Variants in ATAD3C observed in about 807,000 individuals in gnomAD.
ATAD3C encodes the protein ATPase family AAA domain-containing protein 3C.
A neutral mutation model predicts 46.3 loss-of-function variants in ATAD3C; 38 were observed. The ratio of observed to expected loss-of-function variants is 0.82; its 90% CI spans 0.63 to 1.08. The LOEUF is 1.08. ATAD3C is among the 50% of genes least tolerant of loss of function. The pLI is 0.00. For missense variants in ATAD3C, 563 were observed against 572.7 expected (o/e 0.98, Z 0.17); for synonymous variants, 220 against 236.4 (o/e 0.93, Z 0.63).
chr1:1,454,216 G>T, intron 3 of ATAD3C, 129 bp from the exon 4 acceptor site: 1 of 1,426,122 alleles, frequency 7.0e-7, no homozygotes, highest in Non-Finnish European at 9.2e-7. Context: ...TCGGGTTCCT[G>T]TGGGGCCAGC....
chr1:1,466,535 C>CAA lies in ATAD3C; in HGVS notation c.1090-1828_1090-1827dup, dbSNP rs35433084. ...TGGGTGACAGAAGGAGATGTCATCT[C>CAA]AAAAAAAAAAAAAAAAAAAAAATTG... is the stretch of plus-strand genomic sequence containing the variant. On this transcript the variant is annotated intron_variant, in intron 11 of 11. Transcript: ENST00000378785. Among the ~76,000 whole-genome samples, 313 of 70,064 alleles carry CAA rather than the reference C, an allele frequency of 4.5e-3. 6 individuals are homozygous for CAA. The highest frequency in any genetic ancestry group is 0.018 in the East Asian group (61 of 3,452). 46.0% of individuals were successfully genotyped at this position (70,064 alleles called of 152,430 possible).
chr1:1,459,322 C>T lies in ATAD3C; in HGVS notation c.812+91C>T, dbSNP rs1039118383. 32 of 1,594,850 alleles carry T rather than the reference C, an allele frequency of 2.0e-5. No individual in the cohort carries two copies. In the African/African-American group the frequency reaches 3.8e-4, roughly 19 times the overall value. On this transcript the variant is annotated intron_variant, in intron 9 of 11. Transcript: ENST00000378785. The surrounding 1 kb of genome is among the most constrained non-coding windows in gnomAD (Gnocchi z 4.9). Reference sequence around the variant, plus strand: ...CCGAGGGACCTGAGGGGCCCTGGCTCACAGTGCTGGGCAGCTGCCGTGGCC... The same window carrying T: ...CCGAGGGACCTGAGGGGCCCTGGCTTACAGTGCTGGGCAGCTGCCGTGGCC...
intron 1 of ATAD3C, 130 bp from the exon 2 acceptor site, chr1:1,451,916 C>G: frequency 7.0e-7 from 1 of 1,424,974 alleles, no homozygotes; most frequent in African/African-American, 1.4e-5. Context: ...CAGGGTGCGG[C>G]GTCTGCAGGT....
At chr1:1,460,066 A>G (rs574012531) in intron 9 of ATAD3C, among the ~76,000 whole-genome samples, 61 of 140,858 alleles carry the variant, frequency 4.3e-4, no homozygotes, top group South Asian at 2.6e-3. Flanking sequence ...CTCGCGTGGC[A>G]GTATTTTTTT....
chr1:1,464,632 G>A (rs1227591681), intron 11 of ATAD3C, among the ~76,000 whole-genome samples: 4 of 151,820 alleles, frequency 2.6e-5, no homozygotes, highest in Middle Eastern at 3.4e-3. Flanking sequence ...TTAGCTGGGC[G>A]TGGTGGTGTG....
chr1:1,451,471 C>G (rs1570141075), intron 1 of ATAD3C, among the ~76,000 whole-genome samples: 1 of 152,082 alleles, frequency 6.6e-6, no homozygotes, highest in South Asian at 2.1e-4. Flanking sequence ...CTCAGCCTCC[C>G]AAGTCGCTGG....
Position 1,460,914 on chromosome 1 carries a change from A to G in ATAD3C, c.977A>G (p.Lys326Arg). 1 of 1,606,674 alleles carries G rather than the reference A, an allele frequency of 6.2e-7. No homozygotes were observed. The highest frequency in any genetic ancestry group is 8.5e-7 in the Non-Finnish European group (1 of 1,175,964). ...GTTCTTAAGCCGGCCACAGAAGGAAAGCGGTAAGTGTCCCGCCCCACCAGC... is the reference window on the plus strand; with the variant it reads ...GTTCTTAAGCCGGCCACAGAAGGAAGGCGGTAAGTGTCCCGCCCCACCAGC... ...EYVLKPATEG[K>R]RRLKLAQFDY... The change falls in exon 10 of 12, where the codon AAG becomes AGG. Residue 326 changes from lysine (K) to arginine (R), a missense_variant. Lys to Arg is a conservative substitution (Grantham distance 26). Transcript: ENST00000378785.
chr1:1,467,926 A>G (rs1159572638), intron 11 of ATAD3C, among the ~76,000 whole-genome samples: 1 of 152,132 alleles, frequency 6.6e-6, no homozygotes, highest in East Asian at 1.9e-4. Flanking sequence ...GTGGGGGCAG[A>G]GGTGGCCTTG....
In ATAD3C at chr1:1,469,097, CCTAAA is replaced by C. The variant is rs1639197432; in HGVS notation, c.*568_*572del. ...GCCAACATGGTGAAACTCCATCTCT[CCTAAA>C]AAAAAAAAAAAAAAAAAAAAAAAAA... On this transcript the variant is annotated 3_prime_UTR_variant, in exon 12 of 12. Coordinates refer to ENST00000378785, the MANE Select transcript of ATAD3C (RefSeq NM_001039211.3). The C allele has an allele frequency of 1.5e-5, 1 of 67,386 alleles. No individual in the cohort carries two copies. Among genetic ancestry groups the C allele is most frequent in the African/African-American group, 9.6e-5 (1 of 10,402 alleles). The allele number at this position is 67,386 out of a possible 1,614,324, so 4.2% of individuals were successfully genotyped here.
intron 1 of ATAD3C, 150 bp from the exon 2 acceptor site, chr1:1,451,896 G>T (rs769047453): frequency 1.5e-6 from 2 of 1,331,096 alleles, no homozygotes; most frequent in East Asian, 2.6e-5. Context: ...GATGTCACCC[G>T]TGTCTGTGTC....
At chr1:1,468,179 C>T (rs1035814237) in intron 11 of ATAD3C, among the ~76,000 whole-genome samples, 7 of 152,134 alleles carry the variant, frequency 4.6e-5, no homozygotes, top group African/African-American at 7.2e-5. Context: ...GTGCTGAGGA[C>T]GCAGGCAGGG....
Position 1,468,388 on chromosome 1 carries a change from C to T in ATAD3C, c.1094C>T (p.Thr365Met), listed in dbSNP as rs190504905. ...IAQLAVSWQA[T>M]AYASKDGVLT... The stretch of plus-strand genomic sequence containing the variant: ...AGCTCCCTCTCTCCCCACTAGGCCA[C>T]GGCGTATGCCTCCAAGGACGGGGTC... The change falls in exon 12 of 12, where the codon ACG (threonine) becomes ATG (methionine). Residue 365 changes from threonine to methionine, a missense_variant. Coordinates refer to ENST00000378785, the MANE Select transcript of ATAD3C (RefSeq NM_001039211.3). The T allele has an allele frequency of 4.6e-5, 74 of 1,609,176 alleles. 3 individuals carry two copies. The highest frequency in any genetic ancestry group is 6.7e-5 in the East Asian group (3 of 44,722).
chr1:1,456,064 C>G, intron 6 of ATAD3C, 148 bp downstream of exon 6: 1 of 1,455,618 alleles, frequency 6.9e-7, no homozygotes, highest in Non-Finnish European at 9.1e-7. Context: ...GTGTGGGCAG[C>G]AGCGCCTCCC....
In ATAD3C at chr1:1,459,380, C is replaced by T. The variant is rs1639020467; in HGVS notation, c.812+149C>T. 5.3e-6 allele frequency: 8 copies of T among 1,506,914 alleles called. No homozygotes were observed. Among genetic ancestry groups the T allele is most frequent in the South Asian group, 3.9e-5 (3 of 76,966 alleles). 93.3% of individuals were successfully genotyped at this position (1,506,914 alleles called of 1,614,324 possible). A position where few individuals can be genotyped will look rare whatever the true frequency, so the allele number is the denominator to read the frequency against. ...GCCCACCTTGGATGTCCCCTGGGAACGGCCCAGCTCAGGACAGCACGGGGT... is the reference window on the plus strand; with the variant it reads ...GCCCACCTTGGATGTCCCCTGGGAATGGCCCAGCTCAGGACAGCACGGGGT... On this transcript the variant is annotated intron_variant, in intron 9 of 11. Coordinates refer to ENST00000378785, the MANE Select transcript of ATAD3C (RefSeq NM_001039211.3). The surrounding 1 kb of genome is among the most constrained non-coding windows in gnomAD (Gnocchi z 4.9).
In ATAD3C at chr1:1,462,641, T is replaced by C. The variant is rs1262150277; in HGVS notation, c.1022T>C (p.Leu341Ser). 3 of 1,606,310 alleles carry C rather than the reference T, an allele frequency of 1.9e-6. No homozygotes were observed. Among genetic ancestry groups the C allele is most frequent in the Non-Finnish European group, 8.5e-7 (1 of 1,176,872 alleles). ...CAGTTTGACTACGGGAGGAAGTGCT[T>C]AGAGATCGCTCGGCTGACAGAGGGC... ...LAQFDYGRKC[L>S]EIARLTEGMS... The change falls in exon 11 of 12, where the codon TTA becomes TCA. Residue 341 changes from leucine (L) to serine (S), a missense_variant. Transcript: ENST00000378785. This position sits in a 1 kb window ranked among gnomAD's most constrained non-coding sequence, Gnocchi z 4.5.
intron 7 of ATAD3C, 68 bp from the exon 8 acceptor site, chr1:1,457,061 G>A (rs1369088452): frequency 6.2e-7 from 1 of 1,605,094 alleles, no homozygotes; most frequent in African/African-American, 1.3e-5. Context: ...CTCCTGCCAT[G>A]GCCGGACGCC....
rs1238244406 is a variant in ATAD3C, at chr1:1,459,284, C to T, written c.812+53C>T. 3.4e-6 allele frequency: 5 copies of T among 1,468,696 alleles called. No homozygotes were observed. The highest frequency in any genetic ancestry group is 1.5e-4 in the East Asian group (2 of 13,132). 91.0% of individuals were successfully genotyped at this position (1,468,696 alleles called of 1,614,324 possible). A position where few individuals can be genotyped will look rare whatever the true frequency, so the allele number is the denominator to read the frequency against. The stretch of plus-strand genomic sequence containing the variant: ...CCCGGGCAGGGCTGTGCAGCCGTCA[C>T]CCTTGGTTCCCACCGAGGGACCTGA... On this transcript the variant is annotated intron_variant, in intron 9 of 11. Transcript: ENST00000378785. The surrounding 1 kb of genome is among the most constrained non-coding windows in gnomAD (Gnocchi z 4.9).
rs76548509 is a variant in ATAD3C, at chr1:1,459,283, AC to A, written c.812+55del. The stretch of plus-strand genomic sequence containing the variant: ...CCCCGGGCAGGGCTGTGCAGCCGTC[AC>A]CCTTGGTTCCCACCGAGGGACCTGA... On this transcript the variant is annotated intron_variant, in intron 9 of 11. Coordinates refer to ENST00000378785, the MANE Select transcript of ATAD3C (RefSeq NM_001039211.3). This position sits in a 1 kb window ranked among gnomAD's most constrained non-coding sequence, Gnocchi z 4.9. The A allele has an allele frequency of 0.052, 83,873 of 1,610,836 alleles. 12,730 individuals are homozygous for A. The highest frequency in any genetic ancestry group is 0.46 in the East Asian group (20,796 of 44,786).
intron 1 of ATAD3C, 126 bp from the exon 2 acceptor site, chr1:1,451,920 T>C: frequency 1.4e-6 from 2 of 1,453,574 alleles, no homozygotes; most frequent in Middle Eastern, 1.9e-4. Context: ...GTGCGGCGTC[T>C]GCAGGTCCCC....
Sources: gnomAD v4.1 joint callset for allele counts (sites outside exome capture counted in the v4.1 genomes callset) on GRCh38, gnomAD v4.1.1 for gene constraint, Gnocchi (gnomAD v3.1) non-coding constraint, MANE v1.5 for transcripts, NCBI Gene and HGNC (gene_info 2026-07-23, HGNC 2026-07-21) for gene names.